BDKRB2: variants seen among roughly 807,000 people sequenced by gnomAD.
The protein encoded by BDKRB2 is B2 bradykinin receptor.
BDKRB2 carries 6 observed loss-of-function variants against 4.0 expected under a neutral mutation model. That is an observed-to-expected ratio of 1.49 (90% CI 0.81 to 2.93). The LOEUF (loss-of-function observed/expected upper bound fraction) is 2.93, where lower values mean the gene tolerates loss of function less well. Among genes scored for constraint, BDKRB2 ranks in the 30% most tolerant of loss-of-function variants. The pLI is 0.00. For missense variants in BDKRB2, 478 were observed against 520.1 expected (o/e 0.92, Z 0.79); for synonymous variants, 225 against 215.3 (o/e 1.05, Z -0.40).
At chr14:96,238,721 C>A in intron 2 of BDKRB2, 1 of 981,564 alleles carries the variant, frequency 1.0e-6, no homozygotes, top group Non-Finnish European at 1.2e-6. Context: ...TCCTTCTTGT[C>A]CCGTCAAAAT....
chr14:96,226,950 C>T (rs959881117), intron 1 of BDKRB2, among the ~76,000 whole-genome samples: 2 of 152,190 alleles, frequency 1.3e-5, no homozygotes, highest in East Asian at 1.9e-4. Context: ...GGGCAGTGTC[C>T]GAGAGGGCTA....
At chr14:96,221,708 G>T (rs1014585671) in intron 1 of BDKRB2, among the ~76,000 whole-genome samples, 1 of 152,036 alleles carries the variant, frequency 6.6e-6, no homozygotes, top group Admixed American at 6.5e-5. Flanking sequence ...GGTGTTTAGA[G>T]CAGCAAGGAA....
intron 1 of BDKRB2, among the ~76,000 whole-genome samples, chr14:96,215,377 A>G (rs1268296756): frequency 1.3e-5 from 2 of 151,780 alleles, no homozygotes; most frequent in East Asian, 1.9e-4. Flanking sequence ...CTAAACATTT[A>G]GGTTGTTTCC....
intron 1 of BDKRB2, among the ~76,000 whole-genome samples, chr14:96,212,631 C>G (rs901695201): frequency 6.6e-6 from 1 of 151,996 alleles, no homozygotes; most frequent in Non-Finnish European, 1.5e-5. Context: ...CAGTGGGTGG[C>G]GGCTCACTTG....
At chr14:96,213,495 A>AACACACACACACACACAC (rs66460667) in intron 1 of BDKRB2, among the ~76,000 whole-genome samples, 4 of 146,668 alleles carry the variant, frequency 2.7e-5, no homozygotes, top group African/African-American at 7.7e-5. Flanking sequence ...GACCGACCCA[A>AACACACACACACACACAC]ACACACACAC....
At chr14:96,216,333 C>G (rs61742190) in intron 1 of BDKRB2, among the ~76,000 whole-genome samples, 1 of 152,020 alleles carries the variant, frequency 6.6e-6, no homozygotes, top group South Asian at 2.1e-4. Context: ...TACCTCCCAC[C>G]TCCCCGCAAG....
intron 1 of BDKRB2, among the ~76,000 whole-genome samples, chr14:96,222,201 C>G (rs1890587025): frequency 6.6e-6 from 1 of 152,116 alleles, no homozygotes; most frequent in East Asian, 1.9e-4. Context: ...GGAAGAGAGG[C>G]ACAGACCCAC....
At chr14:96,237,777 C>T (rs1251734276) in intron 2 of BDKRB2, 2 of 1,289,766 alleles carry the variant, frequency 1.6e-6, no homozygotes, top group East Asian at 5.5e-5. Context: ...TGCACTGGAC[C>T]TATAGTTTCC....
chr14:96,232,326 C>T (rs1410570624), intron 1 of BDKRB2, among the ~76,000 whole-genome samples: 3 of 152,230 alleles, frequency 2.0e-5, no homozygotes, highest in African/African-American at 7.2e-5. Flanking sequence ...GAGGAGGACT[C>T]AATTCACAGT....
intron 2 of BDKRB2, chr14:96,239,780 G>A (rs1178790322): frequency 8.1e-6 from 8 of 984,712 alleles, no homozygotes; most frequent in African/African-American, 7.0e-5. Context: ...TGTGAACCCA[G>A]TAGGACTATC....
chr14:96,235,347 CAAAAAAAAAAA>C lies in BDKRB2; in HGVS notation c.-39-1705_-39-1695del, dbSNP rs60409238. 1.0e-3 allele frequency among the ~76,000 whole-genome samples: 68 copies of C among 67,224 alleles called. 1 individual carries two copies. The South Asian group carries it at 0.037, about 36-fold the overall frequency. 44.1% of individuals were successfully genotyped at this position (67,224 alleles called of 152,430 possible). A position where few individuals can be genotyped will look rare whatever the true frequency, so the allele number is the denominator to read the frequency against. ...TGGGTGACAGAGAGAGACTCCGTCT[CAAAAAAAAAAA>C]AAAAAAAAAAAAAAAATTACGCTTC... On this transcript the variant is annotated intron_variant, in intron 1 of 2. Transcript: ENST00000554311.
In BDKRB2 at chr14:96,221,675, C is replaced by T. The variant is rs527593706; in HGVS notation, c.-39-15394C>T. 3.3e-5 allele frequency among the ~76,000 whole-genome samples: 5 copies of T among 152,032 alleles called. No homozygotes were observed. The South Asian group carries it at 8.3e-4, about 25-fold the overall frequency. On this transcript the variant is annotated intron_variant, in intron 1 of 2. Coordinates refer to ENST00000554311, the MANE Select transcript of BDKRB2 (RefSeq NM_001379692.1). ...TGCTTGAGTGGTTGGTGCAAGGGGGCTTGTGGGGAACCAGAGCGTCCTGGT... is the reference window on the plus strand; with the variant it reads ...TGCTTGAGTGGTTGGTGCAAGGGGGTTTGTGGGGAACCAGAGCGTCCTGGT...
rs530919445 is a variant in BDKRB2, at chr14:96,221,025, C to T, written c.-39-16044C>T. Among the ~76,000 whole-genome samples, 58 of 152,122 alleles carry T rather than the reference C, an allele frequency of 3.8e-4. 1 individual carries two copies. In the South Asian group the frequency reaches 9.8e-3, roughly 26 times the overall value. On this transcript the variant is annotated intron_variant, in intron 1 of 2. Transcript: ENST00000554311. The stretch of plus-strand genomic sequence containing the variant: ...AAAGAGAGATAATGCAGTGAGGTGC[C>T]GGGGTTCAAATCCCAACTCCACCCA...
intron 1 of BDKRB2, among the ~76,000 whole-genome samples, chr14:96,209,300 C>A (rs935651262): frequency 6.6e-6 from 1 of 152,156 alleles, no homozygotes; most frequent in South Asian, 2.1e-4. Context: ...AAAACATGAG[C>A]CACAGAAAAT....
intron 1 of BDKRB2, among the ~76,000 whole-genome samples, chr14:96,229,776 T>A (rs1240273137): frequency 6.6e-6 from 1 of 152,038 alleles, no homozygotes; most frequent in Non-Finnish European, 1.5e-5. Flanking sequence ...TCCTTGGAGA[T>A]CAGGGAGTAC....
chr14:96,208,672 G>A (rs762574820), intron 1 of BDKRB2, among the ~76,000 whole-genome samples: 9 of 152,182 alleles, frequency 5.9e-5, no homozygotes, highest in South Asian at 2.1e-4. Flanking sequence ...GGCCATGGCC[G>A]CTTAAGGGTG....
intron 1 of BDKRB2, among the ~76,000 whole-genome samples, chr14:96,232,955 G>C (rs1890851680): frequency 6.6e-6 from 1 of 152,174 alleles, no homozygotes. Flanking sequence ...AGAGAAAAGT[G>C]AACAAATTAA....
At chr14:96,239,986 A>G in intron 2 of BDKRB2, 1 of 993,780 alleles carries the variant, frequency 1.0e-6, no homozygotes, top group Non-Finnish European at 1.2e-6. Context: ...CTTTTAATAA[A>G]TTAACTCACC....
chr14:96,226,535 TC>T (rs1318040468), intron 1 of BDKRB2, among the ~76,000 whole-genome samples: 1 of 152,072 alleles, frequency 6.6e-6, no homozygotes, highest in Non-Finnish European at 1.5e-5. Flanking sequence ...ATGCCTGTAA[TC>T]CCAGCTACCT....
Sources: gnomAD v4.1 joint callset for allele counts (sites outside exome capture counted in the v4.1 genomes callset) on GRCh38, gnomAD v4.1.1 for gene constraint, MANE v1.5 for transcripts, NCBI Gene and HGNC (gene_info 2026-07-23, HGNC 2026-07-21) for gene names.